CCDC178: variants seen among roughly 807,000 people sequenced by gnomAD.
CCDC178 encodes the protein coiled-coil domain-containing protein 178.
Under a neutral mutation model 117.4 loss-of-function variants are expected in CCDC178, and 126 were observed. That is an observed-to-expected ratio of 1.07 (90% CI 0.93 to 1.24). The LOEUF (loss-of-function observed/expected upper bound fraction) is 1.24. CCDC178 is among the 50% of genes most tolerant of loss of function. The pLI is 0.00. For synonymous variants in CCDC178, 283 were observed against 313.4 expected (o/e 0.90, Z 1.02); for missense variants, 1,030 against 986.9 (o/e 1.04, Z -0.59).
At chr18:33,363,183 TTAA>T (rs767011787) in intron 6 of CCDC178, among the ~76,000 whole-genome samples, 149 of 152,100 alleles carry the variant, frequency 9.8e-4, no homozygotes, top group African/African-American at 3.4e-3. Context: ...AAAGTATGTT[TTAA>T]TAAAGCAAAT....
intron 2 of CCDC178, among the ~76,000 whole-genome samples, chr18:33,418,592 C>G (rs1014907101): frequency 6.6e-6 from 1 of 151,514 alleles, no homozygotes; most frequent in Non-Finnish European, 1.5e-5. Flanking sequence ...AAAAAAAAAC[C>G]GATAGTCTCT....
At chr18:33,180,721 G>C (rs1292525334) in intron 20 of CCDC178, among the ~76,000 whole-genome samples, 1 of 151,954 alleles carries the variant, frequency 6.6e-6, no homozygotes, top group Middle Eastern at 3.2e-3. Flanking sequence ...GTTGGTATAT[G>C]CAATTCAGGT....
intron 14 of CCDC178, among the ~76,000 whole-genome samples, chr18:33,265,761 T>C (rs112981541): frequency 9.2e-5 from 14 of 152,116 alleles, no homozygotes; most frequent in African/African-American, 3.4e-4. Flanking sequence ...ATCATACTTA[T>C]GTTAAGATAA....
At chr18:33,387,064 T>C (rs1251885067) in intron 5 of CCDC178, among the ~76,000 whole-genome samples, 2 of 152,052 alleles carry the variant, frequency 1.3e-5, no homozygotes, top group African/African-American at 4.8e-5. Flanking sequence ...CATTCCTATA[T>C]GCCAACAACA....
rs1012215958 is a variant in CCDC178 at position 33,411,173 on chromosome 18, T to C, written c.58+858A>G. 1.2e-3 allele frequency among the ~76,000 whole-genome samples: 182 copies of C among 152,282 alleles called. 1 individual carries two copies. The highest frequency in any genetic ancestry group is 4.1e-3 in the African/African-American group (172 of 41,546). On this transcript the variant is annotated intron_variant, in intron 3 of 22. Coordinates refer to ENST00000383096, the MANE Select transcript of CCDC178 (RefSeq NM_001105528.4). ...GCTGTATGCACCTGCATTTTTATGG[T>C]TGGTTGTTACATAGCATCAGTGCAG...
intron 22 of CCDC178, 123 bp from the exon 23 acceptor site, chr18:32,938,214 A>C (rs561343202): frequency 8.9e-6 from 6 of 677,530 alleles, no homozygotes; most frequent in South Asian, 5.3e-5. Flanking sequence ...AAACACCATT[A>C]CATTCTCCTT....
At chr18:33,020,070 C>G (rs2056080038) in intron 21 of CCDC178, among the ~76,000 whole-genome samples, 1 of 150,696 alleles carries the variant, frequency 6.6e-6, no homozygotes, top group African/African-American at 2.4e-5. Flanking sequence ...CTCAGCCTCC[C>G]AAGTAGCTGG....
At chr18:32,984,942 C>T (rs551737435) in intron 21 of CCDC178, among the ~76,000 whole-genome samples, 54 of 151,892 alleles carry the variant, frequency 3.6e-4, no homozygotes, top group African/African-American at 1.2e-3. Context: ...TTGGCACTTT[C>T]GGTTTTCATT....
At position 33,351,696 on chromosome 18, in the gene CCDC178, C is replaced by G. The variant is rs188994019; in HGVS notation, c.372-2721G>C. On this transcript the variant is annotated intron_variant, in intron 7 of 22. Coordinates refer to ENST00000383096, the MANE Select transcript of CCDC178 (RefSeq NM_001105528.4). ...TAGCTAAGACTACTGGCATGCGCCACCACACCTGGCTCATTTTTTCATTGT... is the reference window on the plus strand; with the variant it reads ...TAGCTAAGACTACTGGCATGCGCCAGCACACCTGGCTCATTTTTTCATTGT... Among the ~76,000 whole-genome samples the G allele has an allele frequency of 5.9e-5, 9 of 152,214 alleles. No individual in the cohort carries two copies. The East Asian group carries it at 1.7e-3, about 29-fold the overall frequency.
chr18:33,275,463 T>C (rs1353849780), intron 12 of CCDC178, among the ~76,000 whole-genome samples: 3 of 151,478 alleles, frequency 2.0e-5, no homozygotes, highest in African/African-American at 7.3e-5. Context: ...TATTTAAAAG[T>C]TAAATAATTG....
chr18:33,035,549 A>G (rs969687027), intron 21 of CCDC178, among the ~76,000 whole-genome samples: 2 of 152,012 alleles, frequency 1.3e-5, no homozygotes, highest in African/African-American at 4.8e-5. Flanking sequence ...CACTTGATGT[A>G]GAACCCAAGA....
chr18:32,939,039 T>G (rs2054181509), intron 22 of CCDC178, among the ~76,000 whole-genome samples: 1 of 152,112 alleles, frequency 6.6e-6, no homozygotes, highest in Non-Finnish European at 1.5e-5. Context: ...GTCTCTACAC[T>G]AAAGACTACA....
intron 20 of CCDC178, among the ~76,000 whole-genome samples, chr18:33,112,463 C>T (rs777037576): frequency 5.9e-5 from 9 of 151,884 alleles, no homozygotes; most frequent in Non-Finnish European, 1.0e-4. Context: ...TAAAAGATTT[C>T]GTCTAAAAAT....
intron 21 of CCDC178, among the ~76,000 whole-genome samples, chr18:33,014,777 G>C (rs1322565435): frequency 6.6e-6 from 1 of 152,158 alleles, no homozygotes; most frequent in Non-Finnish European, 1.5e-5. Flanking sequence ...AAAGAAGACA[G>C]ACTTTATAGA....
chr18:33,359,113 G>C (rs968476384), intron 6 of CCDC178, among the ~76,000 whole-genome samples: 1 of 151,794 alleles, frequency 6.6e-6, no homozygotes, highest in Non-Finnish European at 1.5e-5. Context: ...TATCACAAGA[G>C]AGTCAGGGGA....
chr18:33,368,149 T>G (rs2063241667), intron 6 of CCDC178, among the ~76,000 whole-genome samples: 1 of 151,938 alleles, frequency 6.6e-6, no homozygotes, highest in Non-Finnish European at 1.5e-5. Context: ...ACATATAAGG[T>G]ATTTGACTTC....
chr18:33,222,942 C>T (rs1307950220), intron 18 of CCDC178, among the ~76,000 whole-genome samples, 164 bp downstream of exon 18: 1 of 151,996 alleles, frequency 6.6e-6, no homozygotes, highest in Non-Finnish European at 1.5e-5. Context: ...AATGAAAACA[C>T]AAGGACTGTG....
At chr18:32,952,832 G>A (rs955362379) in intron 22 of CCDC178, among the ~76,000 whole-genome samples, 17 of 147,290 alleles carry the variant, frequency 1.2e-4, no homozygotes, top group Non-Finnish European at 1.2e-4. Flanking sequence ...GGAGTGCAGT[G>A]GCATGATCTC....
intron 20 of CCDC178, among the ~76,000 whole-genome samples, chr18:33,147,971 G>C (rs1285114290): frequency 6.6e-6 from 1 of 151,656 alleles, no homozygotes; most frequent in African/African-American, 2.4e-5. Flanking sequence ...CCTCCCGGAC[G>C]GGGCGGCGGC....
Sources: gnomAD v4.1 joint callset for allele counts (sites outside exome capture counted in the v4.1 genomes callset) on GRCh38, gnomAD v4.1.1 for gene constraint, MANE v1.5 for transcripts, NCBI Gene and HGNC (gene_info 2026-07-23, HGNC 2026-07-21) for gene names.